The following SEH1L variants were observed in gnomAD, a reference collection of about 807,000 sequenced individuals.
SEH1L encodes the protein SEH1 like nucleoporin, also known as nucleoporin SEH1.
Under a neutral mutation model 49.5 loss-of-function variants are expected in SEH1L, and 18 were observed. The observed-to-expected ratio is 0.36, with a 90% CI of 0.25 to 0.54. The LOEUF is 0.54. Among genes scored for constraint, SEH1L ranks in the 20% least tolerant of loss-of-function variants. The pLI is 0.87. For missense variants in SEH1L, 404 were observed against 528.8 expected, an observed-to-expected ratio of 0.76 and a Z score of 2.31; for synonymous variants, 169 against 178.1, an observed-to-expected ratio of 0.95 and a Z score of 0.41.
chr18:12,985,146 A>T lies in SEH1L; in HGVS notation c.1070+956A>T. ...ATATTTTCTTTTGTAAATAGCTTCT[A>T]TTTTTTGATCTGTATTCTTATTGTG... On this transcript the variant is annotated intron_variant, in intron 8 of 8. Coordinates refer to ENST00000399892, the MANE Select transcript of SEH1L (RefSeq NM_001013437.2). 2.2e-6 allele frequency: 3 copies of T among 1,381,048 alleles called. No individual in the cohort carries two copies. In the South Asian group the frequency reaches 4.0e-5, roughly 18 times the overall value. 85.5% of individuals were successfully genotyped at this position (1,381,048 alleles called of 1,614,324 possible).
intron 5 of SEH1L, chr18:12,978,522 T>C: frequency 2.4e-6 from 1 of 420,590 alleles, no homozygotes; most frequent in Non-Finnish European, 4.2e-6. Context: ...CGGATGTCAT[T>C]CTGAGGTCCT....
At chr18:12,977,540 C>T (rs1252763095) in intron 5 of SEH1L, 1 of 152,164 alleles carries the variant, frequency 6.6e-6, no homozygotes, top group East Asian at 1.9e-4. Flanking sequence ...GCCTGACCAA[C>T]ATGGTGAAAC....
At chr18:12,958,807 G>T (rs2031029540) in intron 3 of SEH1L, among the ~76,000 whole-genome samples, 1 of 152,192 alleles carries the variant, frequency 6.6e-6, no homozygotes, top group Non-Finnish European at 1.5e-5. Flanking sequence ...GCTACTATGA[G>T]CATTGTTGTA....
chr18:12,980,247 G>GC lies in SEH1L; in HGVS notation c.761+1362dup, dbSNP rs1287192565. 5.1e-4 allele frequency among the ~76,000 whole-genome samples: 67 copies of GC among 131,578 alleles called. 3 individuals are homozygous for GC. The highest frequency in any genetic ancestry group is 1.8e-3 in the African/African-American group (62 of 35,290). 86.3% of individuals were successfully genotyped at this position (131,578 alleles called of 152,430 possible). On this transcript the variant is annotated intron_variant, in intron 6 of 8. Transcript: ENST00000399892. The stretch of plus-strand genomic sequence containing the variant: ...ACCTCCCTCCCGGACGGGGCGGCTG[G>GC]CCCCCCCACCTCCCTCCCGGTCGGG...
At chr18:12,980,188 G>A (rs894713935) in intron 6 of SEH1L, among the ~76,000 whole-genome samples, 410 of 59,092 alleles carry the variant, frequency 6.9e-3, no homozygotes, top group African/African-American at 0.011. Flanking sequence ...CCTCCCGGAT[G>A]GGGCGGCTGG....
chr18:12,982,447 ATATG>A, intron 6 of SEH1L, 67 bp from the exon 7 acceptor site: 1 of 1,082,770 alleles, frequency 9.2e-7, no homozygotes. Context: ...GTGTATATAT[ATATG>A]TGTGTGTATA....
At chr18:12,961,375 ATTAGT>A (rs1203402498) in intron 3 of SEH1L, among the ~76,000 whole-genome samples, 2 of 152,128 alleles carry the variant, frequency 1.3e-5, no homozygotes, top group African/African-American at 4.8e-5. Flanking sequence ...GCAACCAATG[ATTAGT>A]TTAGAGAGAA....
chr18:12,969,178 C>T (rs1257803762), intron 4 of SEH1L, among the ~76,000 whole-genome samples: 3 of 149,266 alleles, frequency 2.0e-5, no homozygotes, highest in African/African-American at 7.4e-5. Flanking sequence ...CATTGCACTC[C>T]ACCCTGGGCA....
chr18:12,956,019 A>T (rs1368972396), intron 3 of SEH1L, among the ~76,000 whole-genome samples: 11 of 148,824 alleles, frequency 7.4e-5, no homozygotes, highest in East Asian at 2.0e-4. Context: ...TTTTTTTTTT[A>T]ACTTTAAACT....
intron 5 of SEH1L, chr18:12,971,549 G>A (rs1455551686): frequency 5.5e-6 from 1 of 182,054 alleles, no homozygotes; most frequent in Non-Finnish European, 1.1e-5. Context: ...CAGGAGAATC[G>A]CTTGAACCCA....
Position 12,987,347 on chromosome 18 carries a change from T to A in SEH1L, c.*290T>A, listed in dbSNP as rs2145677965. ...CTTCAAAGTGCCTGTTCTGTAAATTTTATTTTAAACTGTTACCATAGTCTT... is the reference window on the plus strand; with the variant it reads ...CTTCAAAGTGCCTGTTCTGTAAATTATATTTTAAACTGTTACCATAGTCTT... On this transcript the variant is annotated 3_prime_UTR_variant, in exon 9 of 9. Transcript: ENST00000399892. The A allele has an allele frequency of 4.7e-6, 1 of 213,212 alleles. No homozygotes were observed. The highest frequency in any genetic ancestry group is 2.3e-5 in the African/African-American group (1 of 43,770). The allele number at this position is 213,212 out of a possible 1,614,324, so 13.2% of individuals were successfully genotyped here.
intron 1 of SEH1L, among the ~76,000 whole-genome samples, chr18:12,949,740 ACCGCGC>A (rs1194908429): frequency 6.6e-6 from 1 of 152,134 alleles, no homozygotes; most frequent in East Asian, 1.9e-4. Context: ...GGCGTGAGCC[ACCGCGC>A]CCGGCCCACG....
At chr18:12,968,368 G>A (rs776771917) in intron 4 of SEH1L, among the ~76,000 whole-genome samples, 1 of 152,162 alleles carries the variant, frequency 6.6e-6, no homozygotes, top group African/African-American at 2.4e-5. Flanking sequence ...TGAACCATTG[G>A]GGCGCAGTTC....
rs890260997 is a variant in SEH1L, at chr18:12,963,496, T to C, written c.521+125T>C. 2.6e-5 allele frequency: 18 copies of C among 690,464 alleles called. No homozygotes were observed. In the African/African-American group the frequency reaches 3.2e-4, roughly 12 times the overall value. 42.8% of individuals were successfully genotyped at this position (690,464 alleles called of 1,614,324 possible). On this transcript the variant is annotated intron_variant, in intron 4 of 8. Transcript: ENST00000399892. ...CTCAAGATATATAGAGTATATGTTC[T>C]CCATTTTTCACCCAGGCATGTCATT...
At chr18:12,959,856 T>C (rs1251360958) in intron 3 of SEH1L, among the ~76,000 whole-genome samples, 3 of 152,216 alleles carry the variant, frequency 2.0e-5, no homozygotes, top group African/African-American at 7.2e-5. Flanking sequence ...AATTCAGGCT[T>C]GTATCCCCAA....
intron 6 of SEH1L, among the ~76,000 whole-genome samples, chr18:12,980,880 CCCA>C (rs2032212753): frequency 6.8e-6 from 1 of 147,178 alleles, no homozygotes. Flanking sequence ...GCTGACCCCC[CCCA>C]CCTCCCTTCC....
chr18:12,982,701 G>T (rs768019548), intron 7 of SEH1L, 26 bp downstream of exon 7: 7 of 1,545,778 alleles, frequency 4.5e-6, no homozygotes, highest in Non-Finnish European at 4.4e-6. Flanking sequence ...AGGGGTAATT[G>T]TTGGTTTATA....
intron 4 of SEH1L, among the ~76,000 whole-genome samples, chr18:12,969,559 G>A (rs566414439): frequency 4.0e-5 from 6 of 151,778 alleles, no homozygotes; most frequent in East Asian, 3.9e-4. Context: ...GTGGTGGCGC[G>A]TGCCTGTAAT....
At chr18:12,983,452 G>C (rs942556911) in intron 7 of SEH1L, among the ~76,000 whole-genome samples, 5 of 152,102 alleles carry the variant, frequency 3.3e-5, no homozygotes, top group Non-Finnish European at 7.3e-5. Context: ...GTCCTTTTCT[G>C]CCTTTAGGCT....
Sources: allele counts gnomAD v4.1 joint callset (sites outside exome capture counted in the v4.1 genomes callset), GRCh38; gene constraint gnomAD v4.1.1; transcripts MANE v1.5; gene names NCBI Gene and HGNC (gene_info 2026-07-23, HGNC 2026-07-21).